Variants in UBE2V2 observed in about 807,000 individuals in gnomAD.
UBE2V2 encodes ubiquitin-conjugating enzyme E2 variant 2.
Under a neutral mutation model 17.2 loss-of-function variants are expected in UBE2V2, and 9 were observed. That is an observed-to-expected ratio of 0.52 (90% CI 0.32 to 0.91). The LOEUF is 0.91. Among genes scored for constraint, UBE2V2 ranks in the 40% least tolerant of loss-of-function variants. The pLI is 0.04. For missense variants in UBE2V2, 133 were observed against 182.6 expected (o/e 0.73, Z 1.56); for synonymous variants, 61 against 57.5 (o/e 1.06, Z -0.28).
chr8:48,016,233 C>G (rs2091268533), intron 1 of UBE2V2, among the ~76,000 whole-genome samples: 1 of 152,172 alleles, frequency 6.6e-6, no homozygotes, highest in South Asian at 2.1e-4. Context: ...TAGGTTGATT[C>G]TATATCTTGC....
At chr8:48,013,310 CTT>C (rs35999178) in intron 1 of UBE2V2, among the ~76,000 whole-genome samples, 9 of 142,382 alleles carry the variant, frequency 6.3e-5, no homozygotes, top group Non-Finnish European at 6.2e-5. Context: ...TAACGTGAAA[CTT>C]TTTTTTTTTT....
chr8:48,042,779 CA>C (rs527459891), intron 1 of UBE2V2: 218 of 285,818 alleles, frequency 7.6e-4, no homozygotes, highest in African/African-American at 4.4e-3. Flanking sequence ...TGACTTACAT[CA>C]GTATAAAATT....
chr8:48,017,842 TTGCCTTTTTTTTTTTTTTTTTCCTG>T (rs1275367433), intron 1 of UBE2V2, among the ~76,000 whole-genome samples: 4 of 150,844 alleles, frequency 2.7e-5, no homozygotes, highest in Non-Finnish European at 5.9e-5. Flanking sequence ...GTTTCATAGA[TTGCCTTTTTTTTTTTTTTTTTCCTG>T]AGACAGTCTC....
At chr8:48,020,075 C>G (rs2091294553) in intron 1 of UBE2V2, among the ~76,000 whole-genome samples, 1 of 150,860 alleles carries the variant, frequency 6.6e-6, no homozygotes. Flanking sequence ...ACAAGGTCTC[C>G]CTATCTAGGC....
At chr8:48,054,260 T>C (rs1302171464) in intron 3 of UBE2V2, among the ~76,000 whole-genome samples, 1 of 152,228 alleles carries the variant, frequency 6.6e-6, no homozygotes, top group East Asian at 1.9e-4. Flanking sequence ...TGAGTAGTGC[T>C]GCTCTCGGGA....
chr8:48,027,738 G>T lies in UBE2V2; in HGVS notation c.17-15295G>T, dbSNP rs779002307. ...TGGTCTTGAATTGCTTGGCTCAAGT[G>T]ATCCACCTGCCTCAGCCTCCCAGAA... On this transcript the variant is annotated intron_variant, in intron 1 of 3. Coordinates refer to ENST00000523111, the MANE Select transcript of UBE2V2 (RefSeq NM_003350.3). Among the ~76,000 whole-genome samples the T allele has an allele frequency of 7.4e-4, 112 of 152,168 alleles. 1 individual carries two copies. Among genetic ancestry groups the T allele is most frequent in the Non-Finnish European group, 2.4e-4 (16 of 68,036 alleles).
intron 1 of UBE2V2, among the ~76,000 whole-genome samples, chr8:48,036,363 C>G (rs2091425158): frequency 6.6e-6 from 1 of 152,094 alleles, no homozygotes; most frequent in Non-Finnish European, 1.5e-5. Flanking sequence ...ACTTCACTTA[C>G]TAGTGGGAGG....
At chr8:48,006,932 G>A (rs2091187035), upstream of UBE2V2, among the ~76,000 whole-genome samples, 1 of 151,950 alleles carries the variant, frequency 6.6e-6, no homozygotes, top group Non-Finnish European at 1.5e-5. Flanking sequence ...CTGGGGTGGA[G>A]TGCAGTGTCG....
chr8:48,002,194 G>A, the UBE2V2 span, among the ~76,000 whole-genome samples: 1 of 152,116 alleles, frequency 6.6e-6, no homozygotes, highest in Non-Finnish European at 1.5e-5. Context: ...TGTTGCATTG[G>A]GGATTGTTTC....
upstream of UBE2V2, among the ~76,000 whole-genome samples, chr8:48,007,832 T>C (rs912590199): frequency 3.3e-5 from 5 of 152,038 alleles, no homozygotes; most frequent in African/African-American, 1.2e-4. Flanking sequence ...TGGGCTCACG[T>C]GACCCTCCCA....
chr8:48,022,823 TA>T (rs1482929217), intron 1 of UBE2V2, among the ~76,000 whole-genome samples: 40 of 151,656 alleles, frequency 2.6e-4, no homozygotes, highest in African/African-American at 8.5e-4. Flanking sequence ...TTTTTTTTTT[TA>T]AAGAGAGACA....
At chr8:48,023,614 G>A (rs913897261) in intron 1 of UBE2V2, among the ~76,000 whole-genome samples, 2 of 151,940 alleles carry the variant, frequency 1.3e-5, no homozygotes, top group Non-Finnish European at 2.9e-5. Context: ...GCTTACGCCT[G>A]TAATCCCAGC....
intron 1 of UBE2V2, among the ~76,000 whole-genome samples, chr8:48,019,442 C>T (rs775673410): frequency 3.3e-5 from 5 of 151,896 alleles, no homozygotes; most frequent in African/African-American, 4.8e-5. Context: ...GCAGGAGAAT[C>T]GTGTGAACCT....
intron 2 of UBE2V2, among the ~76,000 whole-genome samples, chr8:48,049,257 G>A (rs1048293149): frequency 2.6e-5 from 4 of 152,116 alleles, no homozygotes; most frequent in African/African-American, 9.7e-5. Context: ...ATGTTTTATT[G>A]CTGCAAAATA....
intron 1 of UBE2V2, among the ~76,000 whole-genome samples, chr8:48,025,774 G>A (rs575422850): frequency 6.6e-6 from 1 of 151,692 alleles, no homozygotes; most frequent in African/African-American, 2.4e-5. Context: ...TAATTTTTTT[G>A]TATTTTTTGT....
intron 2 of UBE2V2, among the ~76,000 whole-genome samples, chr8:48,044,841 C>T (rs1178168566): frequency 2.6e-5 from 4 of 152,318 alleles, no homozygotes; most frequent in East Asian, 3.9e-4. Context: ...ATTTAGATTT[C>T]GTTTTTCTCT....
At chr8:48,016,768 C>T (rs914132346) in intron 1 of UBE2V2, among the ~76,000 whole-genome samples, 3 of 150,684 alleles carry the variant, frequency 2.0e-5, no homozygotes, top group Non-Finnish European at 4.4e-5. Context: ...AGGCGTGAGC[C>T]GCCGTGCCCA....
chr8:48,045,258 T>G (rs945983035), intron 2 of UBE2V2, among the ~76,000 whole-genome samples: 2 of 152,156 alleles, frequency 1.3e-5, no homozygotes, highest in African/African-American at 4.8e-5. Flanking sequence ...ACAAATTTAT[T>G]TAAGTTTTAC....
At chr8:48,042,615 T>A (rs1284528255) in intron 1 of UBE2V2, 1 of 152,184 alleles carries the variant, frequency 6.6e-6, no homozygotes, top group Non-Finnish European at 1.5e-5. Flanking sequence ...CTTTCTAAGA[T>A]GGAACATAAT....
Sources: gnomAD v4.1 joint callset for allele counts (sites outside exome capture counted in the v4.1 genomes callset) on GRCh38, gnomAD v4.1.1 for gene constraint, MANE v1.5 for transcripts, NCBI Gene and HGNC (gene_info 2026-07-23, HGNC 2026-07-21) for gene names.